SVEP1: variants seen among roughly 807,000 people sequenced by gnomAD.
The protein encoded by SVEP1 is sushi, von Willebrand factor type A, EGF and pentraxin domain containing 1.
Under a neutral mutation model 367.3 loss-of-function variants are expected in SVEP1, and 164 were observed. The ratio of observed to expected loss-of-function variants is 0.45; its 90% CI spans 0.39 to 0.51. The LOEUF (loss-of-function observed/expected upper bound fraction) is 0.51. SVEP1 is among the 20% of genes least tolerant of loss of function. SVEP1 has a pLI of 0.00. For missense variants in SVEP1, 4,117 were observed against 4,425.3 expected (o/e 0.93, Z 1.98); for synonymous variants, 1,666 against 1,611.6 (o/e 1.03, Z -0.81).
intron 40 of SVEP1, among the ~76,000 whole-genome samples, chr9:110,395,429 A>G (rs1445488447): frequency 6.6e-6 from 1 of 152,204 alleles, no homozygotes; most frequent in East Asian, 1.9e-4. Flanking sequence ...CAAGGCTAGG[A>G]AGAAACTGCA....
At chr9:110,530,004 GC>G (rs1829997517) in intron 3 of SVEP1, among the ~76,000 whole-genome samples, 1 of 63,130 alleles carries the variant, frequency 1.6e-5, no homozygotes, top group Non-Finnish European at 3.4e-5. Context: ...ATCACATATG[GC>G]TTTTATATTT....
chr9:110,468,619 A>G (rs1828972723), intron 17 of SVEP1, among the ~76,000 whole-genome samples: 1 of 152,256 alleles, frequency 6.6e-6, no homozygotes, highest in African/African-American at 2.4e-5. Context: ...ACAGGGATAC[A>G]TTGAAGAATC....
chr9:110,449,917 A>G (rs1588058994), intron 24 of SVEP1, 142 bp downstream of exon 24: 1 of 946,972 alleles, frequency 1.1e-6, no homozygotes, highest in Non-Finnish European at 1.6e-6. Context: ...TGGCGGTGGG[A>G]ATATTCAGCT....
At chr9:110,481,763 A>G (rs978997001) in intron 11 of SVEP1, among the ~76,000 whole-genome samples, 8 of 152,098 alleles carry the variant, frequency 5.3e-5, no homozygotes, top group Admixed American at 1.3e-4. Flanking sequence ...CCCAGGCTCG[A>G]ATGCAGTGGT....
intron 3 of SVEP1, among the ~76,000 whole-genome samples, chr9:110,515,275 G>A (rs1023827676): frequency 2.6e-5 from 4 of 150,992 alleles, no homozygotes; most frequent in African/African-American, 9.7e-5. Flanking sequence ...TTGCAACCAA[G>A]CAATGTGCAT....
At position 110,407,616 on chromosome 9, in the gene SVEP1, C is replaced by T. The variant is rs182878465; in HGVS notation, c.7984G>A (p.Glu2662Lys). The T allele has an allele frequency of 1.4e-4, 233 of 1,613,922 alleles. 1 individual carries two copies. In the African/African-American group the frequency reaches 2.7e-3, roughly 18 times the overall value. ...GTAGCAGGAGACTCCTTTGTATTTT[C>T]CCAGGTTTTAGCCACTGCTCCCAAA... ...YHLGAVAKTW[E>K]NTKESPATHS... Residue 2662 changes from glutamate to lysine, a missense_variant, in exon 38 of 48, where the codon GAA becomes AAA. Glu to Lys is a moderately conservative substitution (Grantham distance 56). This residue lies in a region of SVEP1 where 1,765 missense variants were observed against 1,781.1 expected (regional missense o/e 0.99). Coordinates refer to ENST00000374469, the MANE Select transcript of SVEP1 (RefSeq NM_153366.4).
chr9:110,481,699 G>GTTATTATTA (rs55646251), intron 11 of SVEP1, among the ~76,000 whole-genome samples: 1 of 150,978 alleles, frequency 6.6e-6, no homozygotes, highest in Non-Finnish European at 1.5e-5. Flanking sequence ...CTGACTTGGA[G>GTTATTATTA]TTATTATTAT....
chr9:110,513,033 T>C lies in SVEP1; in HGVS notation c.1196A>G (p.Asn399Ser), dbSNP rs763048906. Reference sequence around the variant, plus strand: ...GTGACATCGGACCCCACAGGCTGCATTGAAGTGGTTGTTGCAAGTGTTTTG... The same window carrying C: ...GTGACATCGGACCCCACAGGCTGCACTGAAGTGGTTGTTGCAAGTGTTTTG... ...FIQNTCNNHF[N>S]AACGVRCHPG... is the part of the protein sequence containing the mutation. The change falls in exon 5 of 48, where the codon AAT (asparagine) becomes AGT (serine). Residue 399 changes from asparagine to serine, a missense_variant. Coordinates refer to ENST00000374469, the MANE Select transcript of SVEP1 (RefSeq NM_153366.4). 2.5e-5 allele frequency: 41 copies of C among 1,613,914 alleles called. No homozygotes were observed. The highest frequency in any genetic ancestry group is 1.8e-4 in the East Asian group (8 of 44,894).
At chr9:110,552,117 C>A (rs938875512) in intron 1 of SVEP1, among the ~76,000 whole-genome samples, 1 of 149,894 alleles carries the variant, frequency 6.7e-6, no homozygotes, top group Non-Finnish European at 1.5e-5. Flanking sequence ...CTGCAACCTC[C>A]GCCTCCCAGG....
intron 43 of SVEP1, among the ~76,000 whole-genome samples, chr9:110,383,218 G>A: frequency 6.6e-6 from 1 of 151,980 alleles, no homozygotes; most frequent in East Asian, 1.9e-4. Flanking sequence ...TGATCTTTGA[G>A]GTTGCTGACC....
chr9:110,523,828 A>T (rs950002920), intron 3 of SVEP1, among the ~76,000 whole-genome samples: 6 of 152,022 alleles, frequency 3.9e-5, no homozygotes, highest in African/African-American at 1.4e-4. Context: ...CCCAAATTAG[A>T]GGGAAGGAAA....
Position 110,443,858 on chromosome 9 carries a change from T to C in SVEP1, c.4464-138A>G, listed in dbSNP as rs1828551302. The C allele has an allele frequency of 7.6e-6, 5 of 661,106 alleles. No individual in the cohort carries two copies. In the South Asian group the frequency reaches 2.2e-4, roughly 29 times the overall value. The allele number at this position is 661,106 out of a possible 1,614,324, so 41.0% of individuals were successfully genotyped here. A position where few individuals can be genotyped will look rare whatever the true frequency, so the allele number is the denominator to read the frequency against. On this transcript the variant is annotated intron_variant, in intron 26 of 47. Coordinates refer to ENST00000374469, the MANE Select transcript of SVEP1 (RefSeq NM_153366.4). Reference sequence around the variant, plus strand: ...GTGTAAATCCATTACTCTTTTTTTTTCTCCATTTGGTCACATTTTGTAGAA... The same window carrying C: ...GTGTAAATCCATTACTCTTTTTTTTCCTCCATTTGGTCACATTTTGTAGAA...
In SVEP1 at chr9:110,408,148, A is replaced by G; in HGVS notation, c.7452T>C (p.Gly2484=). 2 of 1,613,896 alleles carry G rather than the reference A, an allele frequency of 1.2e-6. No homozygotes were observed. Among genetic ancestry groups the G allele is most frequent in the Non-Finnish European group, 1.7e-6 (2 of 1,179,866 alleles). The change falls in exon 38 of 48, where the codon GGT becomes GGC. Residue 2484 remains glycine, a synonymous_variant. Transcript: ENST00000374469. ...ATGTTGGTTTTCCTCCAAGCCAGTGACCATTTTCTCCACAAAGGGTGGTAG... is the reference window on the plus strand; with the variant it reads ...ATGTTGGTTTTCCTCCAAGCCAGTGGCCATTTTCTCCACAAAGGGTGGTAG... The part of the protein sequence containing the change: ...GNTTTLCGEN[G]HWLGGKPTCK...
chr9:110,406,930 T>A lies in SVEP1; in HGVS notation c.8670A>T (p.Arg2890Ser). The A allele has an allele frequency of 6.2e-7, 1 of 1,613,800 alleles. No homozygotes were observed. The highest frequency in any genetic ancestry group is 2.2e-5 in the East Asian group (1 of 44,858). ...SGATPDCVPV[R>S]CATPPQLANG... ...TGGCCAGTTGTGGCGGGGTGGCACA[T>A]CTGACAGGCACACAGTCGGGAGTGG... is the stretch of plus-strand genomic sequence containing the variant. Residue 2890 changes from arginine (R) to serine (S), a missense_variant, in exon 38 of 48, where the codon AGA (arginine) becomes AGT (serine). Arg to Ser is a moderately radical substitution (Grantham distance 110). Around this residue, in one of 4 missense-constraint regions of SVEP1, gnomAD observed 1,765 missense variants for 1,781.1 expected, o/e 0.99. Transcript: ENST00000374469.
chr9:110,403,308 T>TTTTTTTTTTTG (rs1827896404), intron 39 of SVEP1, among the ~76,000 whole-genome samples: 1 of 130,958 alleles, frequency 7.6e-6, no homozygotes, highest in Admixed American at 7.8e-5. Flanking sequence ...TTTTTTTTTT[T>TTTTTTTTTTTG]TTTTTTTTTT....
intron 36 of SVEP1, among the ~76,000 whole-genome samples, chr9:110,426,073 G>T (rs1272199770): frequency 6.6e-6 from 1 of 152,074 alleles, no homozygotes; most frequent in Non-Finnish European, 1.5e-5. Flanking sequence ...AGTTCATTAG[G>T]GGTAGTTTCT....
At chr9:110,533,594 C>CTGTGTG (rs61074591) in intron 3 of SVEP1, among the ~76,000 whole-genome samples, 98,394 of 146,576 alleles carry the variant, frequency 0.67, 33,146 homozygotes, top group Admixed American at 0.76. Context: ...CTCTGTGTGT[C>CTGTGTG]TGTGTGTGTG....
chr9:110,486,259 T>A (rs1299813301), intron 9 of SVEP1, among the ~76,000 whole-genome samples: 1 of 152,206 alleles, frequency 6.6e-6, no homozygotes, highest in Non-Finnish European at 1.5e-5. Context: ...TTCAAAGATT[T>A]TCTGGGCATA....
At chr9:110,386,595 G>A (rs1172013854) in intron 42 of SVEP1, among the ~76,000 whole-genome samples, 2 of 152,218 alleles carry the variant, frequency 1.3e-5, no homozygotes, top group Non-Finnish European at 2.9e-5. Flanking sequence ...ATTAGAACTA[G>A]TGGAGTTTGC....
Sources: allele counts gnomAD v4.1 joint callset (sites outside exome capture counted in the v4.1 genomes callset), GRCh38; gene constraint gnomAD v4.1.1; regional missense constraint gnomAD v4.1.1; transcripts MANE v1.5; gene names NCBI Gene and HGNC (gene_info 2026-07-23, HGNC 2026-07-21).